The following P2RX6 variants were observed in gnomAD, a reference collection of about 807,000 sequenced individuals.
P2RX6 encodes P2X purinoceptor 6.
Under a neutral mutation model 54.2 loss-of-function variants are expected in P2RX6, and 62 were observed. The observed-to-expected ratio is 1.14, with a 90% CI of 0.93 to 1.41. The LOEUF (loss-of-function observed/expected upper bound fraction) is 1.41. Among genes scored for constraint, P2RX6 ranks in the 40% most tolerant of loss-of-function variants. The pLI is 0.00. For missense variants in P2RX6, 541 were observed against 566.3 expected, an observed-to-expected ratio of 0.96 and a Z score of 0.45; for synonymous variants, 211 against 231.9, an observed-to-expected ratio of 0.91 and a Z score of 0.82.
chr22:21,011,694 A>G, upstream of P2RX6: 1 of 638,550 alleles, frequency 1.6e-6, no homozygotes, highest in Non-Finnish European at 2.9e-6. Flanking sequence ...GAGGCAGAGG[A>G]AAAGGACTTA....
At chr22:21,020,125 C>T (rs539218337) in intron 3 of P2RX6, among the ~76,000 whole-genome samples, 1 of 152,354 alleles carries the variant, frequency 6.6e-6, no homozygotes, top group South Asian at 2.1e-4. Flanking sequence ...CAATGTCCTT[C>T]TCTTTCTTAA....
At chr22:21,025,033 A>G (rs945507751) in intron 8 of P2RX6, among the ~76,000 whole-genome samples, 20 of 150,936 alleles carry the variant, frequency 1.3e-4, no homozygotes, top group African/African-American at 4.6e-4. Flanking sequence ...GGTGCACACC[A>G]CCACACCCAG....
rs1928545770 is a variant in P2RX6 at position 21,026,834 on chromosome 22, A to G, written c.*217A>G. On this transcript the variant is annotated 3_prime_UTR_variant, in exon 12 of 12. Transcript: ENST00000413302. This position sits in a 1 kb window ranked among gnomAD's most constrained non-coding sequence, Gnocchi z 4.0. ...GACGGCGACAGAACCTGACCCGTGG[A>G]GACTGGGAGAGCCCAGCAGGCACCT... 1.1e-6 allele frequency: 1 copy of G among 950,374 alleles called. No homozygotes were observed. Among genetic ancestry groups the G allele is most frequent in the Non-Finnish European group, 1.5e-6 (1 of 660,714 alleles). The allele number at this position is 950,374 out of a possible 1,614,324, so 58.9% of individuals were successfully genotyped here.
At position 21,026,094 on chromosome 22, in the gene P2RX6, G is replaced by A; in HGVS notation, c.1050+18G>A. ...TGGGCGTGGTGAGTGCGAGCACTGT[G>A]GGCACCTGCAGGCTGCAGTGAGTGC... On this transcript the variant is annotated intron_variant, in intron 10 of 11. Coordinates refer to ENST00000413302, the MANE Select transcript of P2RX6 (RefSeq NM_005446.5). This position sits in a 1 kb window ranked among gnomAD's most constrained non-coding sequence, Gnocchi z 4.0. 1 of 1,604,712 alleles carries A rather than the reference G, an allele frequency of 6.2e-7. No homozygotes were observed. Among genetic ancestry groups the A allele is most frequent in the Non-Finnish European group, 8.5e-7 (1 of 1,176,218 alleles).
At chr22:21,020,409 G>A (rs1927144298) in intron 3 of P2RX6, among the ~76,000 whole-genome samples, 1 of 151,986 alleles carries the variant, frequency 6.6e-6, no homozygotes, top group Admixed American at 6.6e-5. Context: ...TCCCTCAGCA[G>A]ACACCGCTGA....
chr22:21,023,404 C>T lies in P2RX6; in HGVS notation c.768C>T (p.Asp256=). The T allele has an allele frequency of 1.2e-6, 2 of 1,614,036 alleles. No individual in the cohort carries two copies. The highest frequency in any genetic ancestry group is 1.7e-6 in the Non-Finnish European group (2 of 1,179,894). Residue 256 remains aspartate, a synonymous_variant, in exon 7 of 12, where the codon GAC becomes GAT. Transcript: ENST00000413302. Reference sequence around the variant, plus strand: ...CCAAGGCTGGAGGGACCTTCGAGGACCTGGCGTTGCTGGTGGGTCCCAAGT... The same window carrying T: ...CCAAGGCTGGAGGGACCTTCGAGGATCTGGCGTTGCTGGTGGGTCCCAAGT... ...LVAKAGGTFE[D]LALLGGSVGI...
chr22:21,023,116 A>C lies in P2RX6; in HGVS notation c.558-2A>C, dbSNP rs753309654. On this transcript the variant is annotated splice_acceptor_variant, in intron 5 of 11. Coordinates refer to ENST00000413302, the MANE Select transcript of P2RX6 (RefSeq NM_005446.5). LOFTEE classifies it high-confidence loss of function. Reference sequence around the variant, plus strand: ...AGGCTGTCACCTCCCTTCCACCTGCAGGAGGCCCCTGCTGGCCCAGGCCCA... The same window carrying C: ...AGGCTGTCACCTCCCTTCCACCTGCCGGAGGCCCCTGCTGGCCCAGGCCCA... The C allele has an allele frequency of 5.6e-6, 9 of 1,613,926 alleles. No homozygotes were observed. The South Asian group carries it at 7.7e-5, about 14-fold the overall frequency.
chr22:21,019,325 G>T (rs200619703), intron 3 of P2RX6, among the ~76,000 whole-genome samples: 1 of 151,090 alleles, frequency 6.6e-6, no homozygotes, highest in Non-Finnish European at 1.5e-5. Context: ...TTGTTTGTTT[G>T]TTTTTTTGAG....
rs1380015606 is a variant in P2RX6 at position 21,022,567 on chromosome 22, TG to T, written c.388-106del. 5 of 739,106 alleles carry T rather than the reference TG, an allele frequency of 6.8e-6. No individual in the cohort carries two copies. In the African/African-American group the frequency reaches 7.2e-5, roughly 11 times the overall value. 45.8% of individuals were successfully genotyped at this position (739,106 alleles called of 1,614,324 possible). A position where few individuals can be genotyped will look rare whatever the true frequency, so the allele number is the denominator to read the frequency against. The stretch of plus-strand genomic sequence containing the variant: ...GGCGGGGTGGTGAGGTTGTTTAAGG[TG>T]GGAAGGGGGCCTGTCCTTCCCACCT... On this transcript the variant is annotated intron_variant, in intron 3 of 11. Transcript: ENST00000413302.
chr22:21,011,877 T>C, upstream of P2RX6, among the ~76,000 whole-genome samples: 1 of 152,158 alleles, frequency 6.6e-6, no homozygotes, highest in East Asian at 1.9e-4. Flanking sequence ...ACCCCATCAA[T>C]GATTATGTCT....
chr22:21,010,281 G>T (rs1318167590), upstream of P2RX6: 1 of 152,304 alleles, frequency 6.6e-6, no homozygotes, highest in African/African-American at 2.4e-5. Flanking sequence ...CATCCCGGCT[G>T]CCTCTCTGGC....
chr22:21,011,604 C>G (rs1925740176), upstream of P2RX6: 1 of 714,518 alleles, frequency 1.4e-6, no homozygotes, highest in Non-Finnish European at 2.6e-6. Flanking sequence ...GGGGACGGAG[C>G]CACTCCTCAG....
intron 3 of P2RX6, chr22:21,018,278 A>G (rs1232231748): frequency 1.3e-5 from 7 of 546,998 alleles, no homozygotes; most frequent in Non-Finnish European, 2.3e-5. Context: ...TCAGAGGAGA[A>G]GACTGAGGCT....
In P2RX6 at chr22:21,026,144, A is replaced by C. The variant is rs373320592; in HGVS notation, c.1050+68A>C. On this transcript the variant is annotated intron_variant, in intron 10 of 11. Transcript: ENST00000413302. The surrounding 1 kb of genome is among the most constrained non-coding windows in gnomAD (Gnocchi z 4.0). Reference sequence around the variant, plus strand: ...CTGCTGACCAGGGTGTGTCCAATGCATGCTGGAGCCTCCGGTGCCTGCACA... The same window carrying C: ...CTGCTGACCAGGGTGTGTCCAATGCCTGCTGGAGCCTCCGGTGCCTGCACA... 3.9e-6 allele frequency: 6 copies of C among 1,547,980 alleles called. No homozygotes were observed.
intron 8 of P2RX6, among the ~76,000 whole-genome samples, chr22:21,024,427 G>C (rs1459520759): frequency 6.6e-6 from 1 of 151,870 alleles, no homozygotes; most frequent in Non-Finnish European, 1.5e-5. Flanking sequence ...ACGGGTGCAC[G>C]CCTCCACGCC....
chr22:21,023,476 C>T (rs1417837930), intron 7 of P2RX6, 33 bp from the exon 8 acceptor site: 2 of 1,613,334 alleles, frequency 1.2e-6, no homozygotes, highest in South Asian at 1.1e-5. Context: ...CCCGGGCCCA[C>T]CCACCGGTGG....
upstream of P2RX6, chr22:21,012,598 CA>C (rs2147989381): frequency 4.9e-6 from 3 of 608,572 alleles, no homozygotes; most frequent in East Asian, 3.7e-5. Flanking sequence ...CCCACTGTCC[CA>C]AAAGTTCAGC....
chr22:21,019,389 C>T (rs1786576470), intron 3 of P2RX6, among the ~76,000 whole-genome samples: 1 of 152,208 alleles, frequency 6.6e-6, no homozygotes, highest in South Asian at 2.1e-4. Flanking sequence ...GATCTCGGCT[C>T]ACTGCAACCT....
intron 3 of P2RX6, among the ~76,000 whole-genome samples, 194 bp from the exon 4 acceptor site, chr22:21,022,482 C>T (rs1434960182): frequency 1.3e-5 from 2 of 152,200 alleles, no homozygotes; most frequent in Admixed American, 6.5e-5. Flanking sequence ...CCTCTGACCA[C>T]CTCCTTTTAT....
Sources: gnomAD v4.1 joint callset for allele counts (sites outside exome capture counted in the v4.1 genomes callset) on GRCh38, gnomAD v4.1.1 for gene constraint, Gnocchi (gnomAD v3.1) non-coding constraint, MANE v1.5 for transcripts, NCBI Gene and HGNC (gene_info 2026-07-23, HGNC 2026-07-21) for gene names.